GRIK2: variants seen among roughly 807,000 people sequenced by gnomAD.
GRIK2 encodes the protein glutamate ionotropic receptor kainate type subunit 2.
Under a neutral mutation model 100.3 loss-of-function variants are expected in GRIK2, and 32 were observed. The ratio of observed to expected loss-of-function variants is 0.32; its 90% confidence interval spans 0.24 to 0.43. The LOEUF is 0.43. Ranked by LOEUF, GRIK2 falls within the 20% of genes least tolerant of loss-of-function variation. GRIK2 has a pLI of 1.00. For missense variants in GRIK2, 843 were observed against 1,114.9 expected (o/e 0.76, Z 3.47); for synonymous variants, 417 against 389.4 (o/e 1.07, Z -0.83).
chr6:101,667,842 G>T (rs1336518384), intron 4 of GRIK2, among the ~76,000 whole-genome samples: 1 of 152,048 alleles, frequency 6.6e-6, no homozygotes, highest in Non-Finnish European at 1.5e-5. Flanking sequence ...CACCACCTGG[G>T]TCAGATCCCG....
chr6:101,692,777 C>T (rs1431299105), intron 7 of GRIK2, among the ~76,000 whole-genome samples: 24 of 151,948 alleles, frequency 1.6e-4, no homozygotes, highest in Admixed American at 1.6e-3. Flanking sequence ...TAACTACTAG[C>T]CTTATTCTTG....
chr6:101,511,141 T>C (rs1774294240), intron 2 of GRIK2, among the ~76,000 whole-genome samples: 1 of 152,136 alleles, frequency 6.6e-6, no homozygotes, highest in Non-Finnish European at 1.5e-5. Flanking sequence ...GTTAAGTAGC[T>C]TACAACAAAA....
chr6:101,469,011 A>G (rs1771805916), intron 2 of GRIK2, among the ~76,000 whole-genome samples: 1 of 152,154 alleles, frequency 6.6e-6, no homozygotes, highest in Non-Finnish European at 1.5e-5. Context: ...TTGGGACAGC[A>G]TCCACCAGAA....
At chr6:101,518,332 ACTTT>A (rs1774693736) in intron 2 of GRIK2, among the ~76,000 whole-genome samples, 2 of 152,132 alleles carry the variant, frequency 1.3e-5, no homozygotes, top group African/African-American at 4.8e-5. Context: ...AAAATGGCTG[ACTTT>A]CTTATGTACT....
chr6:101,805,115 G>C (rs976505495), intron 9 of GRIK2, among the ~76,000 whole-genome samples: 7 of 151,772 alleles, frequency 4.6e-5, no homozygotes, highest in Non-Finnish European at 7.4e-5. Context: ...TTATTGACTT[G>C]ACTTTTTTTC....
chr6:101,969,778 A>G (rs1792924036), intron 14 of GRIK2, among the ~76,000 whole-genome samples: 1 of 152,086 alleles, frequency 6.6e-6, no homozygotes, highest in South Asian at 2.1e-4. Flanking sequence ...CATAAATTGG[A>G]GTAATCATAA....
At chr6:101,986,111 A>G (rs148174851) in intron 14 of GRIK2, among the ~76,000 whole-genome samples, 282 of 151,876 alleles carry the variant, frequency 1.9e-3, no homozygotes, top group African/African-American at 6.2e-3. Flanking sequence ...CAAATTAGCA[A>G]TTAAATTGAA....
chr6:101,571,947 AG>A (rs1484497709), intron 2 of GRIK2, among the ~76,000 whole-genome samples: 1 of 152,160 alleles, frequency 6.6e-6, no homozygotes, highest in Non-Finnish European at 1.5e-5. Flanking sequence ...AACAGAAAAA[AG>A]GTGGAAGATT....
chr6:101,412,022 C>T (rs1047342381), intron 2 of GRIK2, among the ~76,000 whole-genome samples: 1 of 151,976 alleles, frequency 6.6e-6, no homozygotes, highest in African/African-American at 2.4e-5. Flanking sequence ...ATGAATACAT[C>T]CTAATGGTCC....
rs568597811 is a variant in GRIK2, at chr6:101,491,421, C to A, written c.115+92029C>A. On this transcript the variant is annotated intron_variant, in intron 2 of 16. Transcript: ENST00000369134. ...TTGGATTGAGCCCTAGAAATTTGGC[C>A]GAAGCAAACACAAACCTTCACTGGA... is the stretch of plus-strand genomic sequence containing the variant. Among the ~76,000 whole-genome samples, 4 of 151,988 alleles carry A rather than the reference C, an allele frequency of 2.6e-5. No individual in the cohort carries two copies. In the East Asian group the frequency reaches 5.8e-4, roughly 22 times the overall value.
chr6:101,582,097 T>A (rs1778131132), intron 2 of GRIK2, among the ~76,000 whole-genome samples: 1 of 152,070 alleles, frequency 6.6e-6, no homozygotes, highest in African/African-American at 2.4e-5. Context: ...TACTTTCAGT[T>A]CTGGGATACA....
intron 14 of GRIK2, among the ~76,000 whole-genome samples, chr6:102,011,943 A>G (rs1044842217): frequency 2.0e-5 from 3 of 152,094 alleles, no homozygotes; most frequent in Non-Finnish European, 4.4e-5. Flanking sequence ...AGTCATCCCC[A>G]TACCCAAAGT....
intron 10 of GRIK2, among the ~76,000 whole-genome samples, chr6:101,858,386 C>A (rs139787722): frequency 1.1e-5 from 1 of 91,652 alleles, no homozygotes. Flanking sequence ...ATTTTTTTTT[C>A]TTTTTTTTTT....
chr6:101,796,986 A>T (rs1424721695), intron 7 of GRIK2, among the ~76,000 whole-genome samples: 3 of 152,110 alleles, frequency 2.0e-5, no homozygotes, highest in Non-Finnish European at 4.4e-5. Flanking sequence ...TTTGATTTTT[A>T]ATTAGGCAAA....
chr6:101,959,288 C>G (rs1205454175), intron 14 of GRIK2, among the ~76,000 whole-genome samples: 1 of 152,016 alleles, frequency 6.6e-6, no homozygotes, highest in Non-Finnish European at 1.5e-5. Context: ...AATGTCATTA[C>G]TCATTATTGT....
intron 7 of GRIK2, among the ~76,000 whole-genome samples, chr6:101,725,050 T>G: frequency 6.8e-6 from 1 of 147,448 alleles, no homozygotes; most frequent in South Asian, 2.2e-4. Context: ...TTTTATTTTC[T>G]TTTACTTTGT....
chr6:101,657,271 T>C (rs1055190592), intron 4 of GRIK2, among the ~76,000 whole-genome samples: 14 of 152,106 alleles, frequency 9.2e-5, no homozygotes, highest in South Asian at 2.1e-4. Flanking sequence ...TCTCACAAGA[T>C]CTGATATTTT....
Position 101,498,944 on chromosome 6 carries a change from A to G in GRIK2, c.115+99552A>G, listed in dbSNP as rs930158660. Reference sequence around the variant, plus strand: ...TGTTTTAGACCTGAAGTCCTTGCCCATGCCTATGTCCTGAATGGTAATGCC... The same window carrying G: ...TGTTTTAGACCTGAAGTCCTTGCCCGTGCCTATGTCCTGAATGGTAATGCC... On this transcript the variant is annotated intron_variant, in intron 2 of 16. Coordinates refer to ENST00000369134, the MANE Select transcript of GRIK2 (RefSeq NM_021956.5). Among the ~76,000 whole-genome samples the G allele has an allele frequency of 4.6e-5, 7 of 152,108 alleles. No individual in the cohort carries two copies. In the South Asian group the frequency reaches 1.4e-3, roughly 31 times the overall value.
At chr6:101,526,951 C>T (rs557849093) in intron 2 of GRIK2, among the ~76,000 whole-genome samples, 4 of 152,190 alleles carry the variant, frequency 2.6e-5, no homozygotes, top group Non-Finnish European at 2.9e-5. Flanking sequence ...CAGGTTCCAA[C>T]GGGTGTACAT....
Sources: allele counts gnomAD v4.1 joint callset (sites outside exome capture counted in the v4.1 genomes callset), GRCh38; gene constraint gnomAD v4.1.1; transcripts MANE v1.5; gene names NCBI Gene and HGNC (gene_info 2026-07-23, HGNC 2026-07-21).